RAB10: variants seen among roughly 807,000 people sequenced by gnomAD.
RAB10 encodes RAB10, member RAS oncogene family, also known as ras-related protein Rab-10.
Under a neutral mutation model 25.7 loss-of-function variants are expected in RAB10, and 5 were observed. The observed-to-expected ratio is 0.19, with a 90% CI of 0.10 to 0.41. RAB10 has a LOEUF of 0.41. Among genes scored for constraint, RAB10 ranks in the 10% least tolerant of loss-of-function variants. The pLI, the probability that RAB10 is intolerant of heterozygous loss-of-function variation, is 1.00. For synonymous variants in RAB10, 89 were observed against 86.4 expected (o/e 1.03, Z -0.16); for missense variants, 103 against 245.8 (o/e 0.42, Z 3.89).
At chr2:26,119,439 A>G (rs1012091702) in intron 3 of RAB10, among the ~76,000 whole-genome samples, 4 of 152,104 alleles carry the variant, frequency 2.6e-5, no homozygotes, top group African/African-American at 9.7e-5. Flanking sequence ...AAAGAGTTGT[A>G]TAATACTATT....
chr2:26,058,323 A>G (rs1210018763), intron 1 of RAB10, among the ~76,000 whole-genome samples: 2 of 152,170 alleles, frequency 1.3e-5, no homozygotes, highest in Non-Finnish European at 2.9e-5. Flanking sequence ...TTGAATTCAT[A>G]TATGTCACTC....
At chr2:26,064,453 C>G (rs1172174432) in intron 1 of RAB10, among the ~76,000 whole-genome samples, 3 of 151,998 alleles carry the variant, frequency 2.0e-5, no homozygotes, top group Non-Finnish European at 2.9e-5. Flanking sequence ...TCCTGAGTAG[C>G]TGGGACTACA....
At chr2:26,125,395 ATCT>A (rs1232095060) in intron 3 of RAB10, among the ~76,000 whole-genome samples, 1 of 136,924 alleles carries the variant, frequency 7.3e-6, no homozygotes, top group Non-Finnish European at 1.6e-5. Flanking sequence ...TTGTTTGTAT[ATCT>A]TCTTTGAAGA....
chr2:26,058,922 G>T (rs1423192420), intron 1 of RAB10, among the ~76,000 whole-genome samples: 13 of 152,130 alleles, frequency 8.5e-5, no homozygotes, highest in Admixed American at 8.5e-4. Context: ...TACTTGTTTT[G>T]TTAATTGGCC....
In RAB10 at chr2:26,095,500, A is replaced by G. The variant is rs540019691; in HGVS notation, c.128-3162A>G. 4.3e-4 allele frequency among the ~76,000 whole-genome samples: 65 copies of G among 152,292 alleles called. 2 individuals are homozygous for G. In the South Asian group the frequency reaches 0.013, roughly 30 times the overall value. ...CGGATGCCTGTAGCCCCAGCTAGTC[A>G]GGAGGCTGAGGCAGGAGAATGGCAT... On this transcript the variant is annotated intron_variant, in intron 1 of 5. Coordinates refer to ENST00000264710, the MANE Select transcript of RAB10 (RefSeq NM_016131.5).
intron 1 of RAB10, among the ~76,000 whole-genome samples, chr2:26,064,746 T>C (rs1200609459): frequency 2.0e-5 from 3 of 152,208 alleles, no homozygotes; most frequent in African/African-American, 7.2e-5. Flanking sequence ...TCTTTCTCTT[T>C]CAAGAATGTT....
intron 2 of RAB10, among the ~76,000 whole-genome samples, chr2:26,107,961 T>C (rs1667500394): frequency 6.6e-6 from 1 of 151,878 alleles, no homozygotes; most frequent in African/African-American, 2.4e-5. Flanking sequence ...GATGATGAAA[T>C]ATTACTATGT....
At chr2:26,121,000 C>G (rs1424660089) in intron 3 of RAB10, among the ~76,000 whole-genome samples, 1 of 152,008 alleles carries the variant, frequency 6.6e-6, no homozygotes, top group African/African-American at 2.4e-5. Context: ...CAACCTCCAC[C>G]TCCTGGGTTC....
intron 1 of RAB10, among the ~76,000 whole-genome samples, chr2:26,076,797 A>G (rs1030535476): frequency 2.6e-5 from 4 of 152,006 alleles, no homozygotes; most frequent in Non-Finnish European, 4.4e-5. Context: ...TACAAAAATT[A>G]GCTGGGCGTG....
chr2:26,043,200 C>G (rs1258589543), intron 1 of RAB10, among the ~76,000 whole-genome samples: 2 of 152,192 alleles, frequency 1.3e-5, no homozygotes, highest in Non-Finnish European at 2.9e-5. Context: ...GGCCAGATTA[C>G]TTGGGCTCAG....
chr2:26,041,368 C>T (rs1345669701), intron 1 of RAB10, among the ~76,000 whole-genome samples: 2 of 150,756 alleles, frequency 1.3e-5, no homozygotes, highest in African/African-American at 4.9e-5. Context: ...TGGTGAAACC[C>T]CGTCTCTACT....
chr2:26,041,689 T>C (rs1665890209), intron 1 of RAB10, among the ~76,000 whole-genome samples: 1 of 150,034 alleles, frequency 6.7e-6, no homozygotes, highest in Non-Finnish European at 1.5e-5. Flanking sequence ...GCAGATCACC[T>C]AAGGTCAGAG....
intron 5 of RAB10, among the ~76,000 whole-genome samples, chr2:26,129,339 G>T (rs1426532703): frequency 6.7e-6 from 1 of 150,230 alleles, no homozygotes; most frequent in Non-Finnish European, 1.5e-5. Context: ...TTGTATAGGA[G>T]AAAATGTAAT....
intron 2 of RAB10, among the ~76,000 whole-genome samples, chr2:26,103,099 C>G (rs1661180192): frequency 6.6e-6 from 1 of 152,172 alleles, no homozygotes; most frequent in South Asian, 2.1e-4. Flanking sequence ...CTACTAAGGT[C>G]CAAGGAAGCT....
chr2:26,081,010 C>T (rs1661655892), intron 1 of RAB10, among the ~76,000 whole-genome samples: 1 of 152,094 alleles, frequency 6.6e-6, no homozygotes, highest in South Asian at 2.1e-4. Flanking sequence ...GTGGGAGGAA[C>T]CTGGTGGGAG....
intron 1 of RAB10, among the ~76,000 whole-genome samples, chr2:26,047,988 T>G (rs530853308): frequency 6.6e-6 from 1 of 151,796 alleles, no homozygotes; most frequent in Non-Finnish European, 1.5e-5. Flanking sequence ...GGCCTTGGCC[T>G]CCCAAAGTGT....
intron 3 of RAB10, among the ~76,000 whole-genome samples, chr2:26,122,429 C>T (rs2149288116): frequency 6.6e-6 from 1 of 152,168 alleles, no homozygotes; most frequent in East Asian, 1.9e-4. Context: ...GAGATCGAGA[C>T]CATCCTGGCT....
intron 1 of RAB10, among the ~76,000 whole-genome samples, chr2:26,039,564 G>T (rs1031822614): frequency 1.3e-5 from 2 of 151,780 alleles, no homozygotes; most frequent in African/African-American, 2.4e-5. Flanking sequence ...GGCCAGGCTG[G>T]TCAAGAACTC....
At chr2:26,098,436 G>A (rs908501182) in intron 1 of RAB10, 27 of 462,386 alleles carry the variant, frequency 5.8e-5, no homozygotes, top group Non-Finnish European at 1.0e-4. Flanking sequence ...ACCATGCCCA[G>A]CCCAAAACTT....
Sources: gnomAD v4.1 joint callset for allele counts (sites outside exome capture counted in the v4.1 genomes callset) on GRCh38, gnomAD v4.1.1 for gene constraint, MANE v1.5 for transcripts, NCBI Gene and HGNC (gene_info 2026-07-23, HGNC 2026-07-21) for gene names.